The following ARHGEF7 variants were observed in gnomAD, a reference collection of about 807,000 sequenced individuals.
ARHGEF7 encodes PAK-interacting exchange factor beta.
A neutral mutation model predicts 109.8 loss-of-function variants in ARHGEF7; 33 were observed. The observed-to-expected ratio is 0.30, with a 90% CI of 0.23 to 0.40. ARHGEF7 has a LOEUF of 0.40. ARHGEF7 is among the 10% of genes least tolerant of loss of function. The probability of loss-of-function intolerance (pLI) is 1.00; values close to 1 mark genes in which losing one functional copy is unlikely to be tolerated. For synonymous variants in ARHGEF7, 458 were observed against 424.6 expected (o/e 1.08, Z -0.97); for missense variants, 938 against 1,098.5 (o/e 0.85, Z 2.07).
At chr13:111,225,288 C>G (rs574242022) in intron 5 of ARHGEF7, among the ~76,000 whole-genome samples, 176 of 152,252 alleles carry the variant, frequency 1.2e-3, no homozygotes, top group South Asian at 6.8e-3. Context: ...AATTGTATTA[C>G]TTACATGCCA....
intron 4 of ARHGEF7, among the ~76,000 whole-genome samples, chr13:111,215,284 G>C (rs989405349): frequency 6.6e-6 from 1 of 152,120 alleles, no homozygotes; most frequent in South Asian, 2.1e-4. Context: ...CTGAGGGGGC[G>C]ATCTTGCTGG....
chr13:111,290,593 A>C (rs2093238873), intron 18 of ARHGEF7, among the ~76,000 whole-genome samples: 1 of 152,256 alleles, frequency 6.6e-6, no homozygotes, highest in Admixed American at 6.5e-5. Context: ...CTTCATGACC[A>C]GGGTCCTGTG....
intron 5 of ARHGEF7, among the ~76,000 whole-genome samples, chr13:111,229,437 T>C (rs1287124156): frequency 6.6e-6 from 1 of 152,228 alleles, no homozygotes; most frequent in African/African-American, 2.4e-5. Context: ...CATATTTATT[T>C]GTAGAAGTTT....
chr13:111,247,052 T>C (rs1468513072), intron 8 of ARHGEF7, among the ~76,000 whole-genome samples: 2 of 152,254 alleles, frequency 1.3e-5, no homozygotes, highest in East Asian at 3.8e-4. Flanking sequence ...TCAAATTTTA[T>C]GCTACATGTA....
chr13:111,202,751 G>A (rs1314709245), intron 2 of ARHGEF7, among the ~76,000 whole-genome samples: 1 of 152,120 alleles, frequency 6.6e-6, no homozygotes, highest in Non-Finnish European at 1.5e-5. Flanking sequence ...AAATTTCTCT[G>A]TACTCAGATT....
chr13:111,177,370 T>C (rs2078271882), intron 2 of ARHGEF7, among the ~76,000 whole-genome samples: 1 of 152,232 alleles, frequency 6.6e-6, no homozygotes, highest in African/African-American at 2.4e-5. Context: ...ACATTCTTCC[T>C]GTTGCAAACT....
At position 111,241,449 on chromosome 13, in the gene ARHGEF7, G is replaced by GT; in HGVS notation, c.760-2423_760-2422insT. The GT allele has an allele frequency of 2.7e-6, 3 of 1,108,004 alleles. No individual in the cohort carries two copies. The South Asian group carries it at 4.4e-5, about 16-fold the overall frequency. 68.6% of individuals were successfully genotyped at this position (1,108,004 alleles called of 1,614,324 possible). On this transcript the variant is annotated intron_variant, in intron 6 of 21. Transcript: ENST00000646102. ...AGCCAGGCCTGGCTGTGTGTTTGAG[G>GT]AAAAGTTAAGTGTAACTTGCATTGT...
At chr13:111,296,189 G>A (rs1192187330) in intron 19 of ARHGEF7, among the ~76,000 whole-genome samples, 1 of 152,082 alleles carries the variant, frequency 6.6e-6, no homozygotes, top group Non-Finnish European at 1.5e-5. Context: ...GGAAATGCTG[G>A]GTTAGATCTG....
intron 5 of ARHGEF7, among the ~76,000 whole-genome samples, chr13:111,221,553 ATATATC>A (rs1197697873): frequency 2.8e-5 from 2 of 70,974 alleles, no homozygotes; most frequent in African/African-American, 9.1e-5. Flanking sequence ...ATACATATCT[ATATATC>A]TATATATATA....
At chr13:111,202,627 G>A (rs986849927) in intron 2 of ARHGEF7, among the ~76,000 whole-genome samples, 1 of 152,150 alleles carries the variant, frequency 6.6e-6, no homozygotes, top group East Asian at 1.9e-4. Flanking sequence ...AATAACCCTA[G>A]GGAACAATTT....
intron 8 of ARHGEF7, among the ~76,000 whole-genome samples, chr13:111,257,075 CCT>C (rs1191328821): frequency 6.6e-6 from 1 of 152,150 alleles, no homozygotes; most frequent in Non-Finnish European, 1.5e-5. Flanking sequence ...TCCTTTTTGG[CCT>C]CTGTCCTCAG....
At chr13:111,181,072 C>T (rs1414418752) in intron 2 of ARHGEF7, among the ~76,000 whole-genome samples, 2 of 152,122 alleles carry the variant, frequency 1.3e-5, no homozygotes, top group Admixed American at 1.3e-4. Context: ...TAGCTCCTGT[C>T]CCTGTTGTAT....
chr13:111,228,950 G>A lies in ARHGEF7; in HGVS notation c.671-4255G>A, dbSNP rs774926693. Among the ~76,000 whole-genome samples the A allele has an allele frequency of 2.0e-5, 3 of 151,992 alleles. No individual in the cohort carries two copies. The highest frequency in any genetic ancestry group is 6.6e-5 in the Admixed American group (1 of 15,266). On this transcript the variant is annotated intron_variant, in intron 5 of 21. Transcript: ENST00000646102. The surrounding 1 kb of genome is among the most constrained non-coding windows in gnomAD (Gnocchi z 4.6). ...CGTAACCACTGAAACAGAGGGAAGC[G>A]GCTGGGTGGCTTCCAGTCAAGCGGA... is the stretch of plus-strand genomic sequence containing the variant.
chr13:111,139,594 G>C (rs1307588770), intron 1 of ARHGEF7, among the ~76,000 whole-genome samples: 1 of 150,334 alleles, frequency 6.7e-6, no homozygotes, highest in East Asian at 2.0e-4. Context: ...GCGGGTGCCT[G>C]TGTGGAGCAC....
intron 3 of ARHGEF7, among the ~76,000 whole-genome samples, chr13:111,208,000 G>C (rs1221015744): frequency 6.6e-6 from 1 of 152,142 alleles, no homozygotes; most frequent in Non-Finnish European, 1.5e-5. Flanking sequence ...TTTTCTGTTT[G>C]CCCTTTGTTT....
intron 1 of ARHGEF7, among the ~76,000 whole-genome samples, chr13:111,147,726 C>G (rs901287498): frequency 6.2e-5 from 7 of 113,794 alleles, no homozygotes; most frequent in Admixed American, 3.7e-4. Flanking sequence ...GAGACGGAGT[C>G]TCGCTCTGTC....
chr13:111,292,900 C>T (rs1244681485), intron 19 of ARHGEF7: 7 of 987,628 alleles, frequency 7.1e-6, no homozygotes, highest in Non-Finnish European at 8.4e-6. Context: ...GGCAGGTGCA[C>T]AGACGGGCGG....
At chr13:111,197,977 C>T (rs1388139579) in intron 2 of ARHGEF7, among the ~76,000 whole-genome samples, 1 of 152,076 alleles carries the variant, frequency 6.6e-6, no homozygotes, top group Admixed American at 6.5e-5. Flanking sequence ...GGCGACATAA[C>T]TTTGAGAGTT....
chr13:111,271,635 C>T (rs893520276), intron 9 of ARHGEF7, among the ~76,000 whole-genome samples: 1 of 152,176 alleles, frequency 6.6e-6, no homozygotes, highest in Non-Finnish European at 1.5e-5. Flanking sequence ...TGCTCTCGTG[C>T]GTGCGTGCTC....
Sources: gnomAD v4.1 joint callset for allele counts (sites outside exome capture counted in the v4.1 genomes callset) on GRCh38, gnomAD v4.1.1 for gene constraint, Gnocchi (gnomAD v3.1) non-coding constraint, MANE v1.5 for transcripts, NCBI Gene and HGNC (gene_info 2026-07-23, HGNC 2026-07-21) for gene names.